FTO: variants seen among roughly 807,000 people sequenced by gnomAD.
The protein encoded by FTO is alpha-ketoglutarate-dependent dioxygenase FTO.
A neutral mutation model predicts 63.9 loss-of-function variants in FTO; 47 were observed. That is an observed-to-expected ratio of 0.74 (90% CI 0.58 to 0.94). FTO has a LOEUF of 0.94. Ranked by LOEUF, FTO falls within the 40% of genes least tolerant of loss-of-function variation. The probability of loss-of-function intolerance (pLI) is 0.00; values close to 1 mark genes in which losing one functional copy is unlikely to be tolerated. For missense variants in FTO, 562 were observed against 618.1 expected (o/e 0.91, Z 0.96); for synonymous variants, 207 against 224.4 (o/e 0.92, Z 0.69).
At chr16:53,726,343 A>G (rs1362928042) in intron 1 of FTO, among the ~76,000 whole-genome samples, 1 of 152,180 alleles carries the variant, frequency 6.6e-6, no homozygotes, top group African/African-American at 2.4e-5. Context: ...TGTTTTGTAG[A>G]CATGTAGGAA....
intron 4 of FTO, among the ~76,000 whole-genome samples, chr16:53,856,374 G>A (rs2079995672): frequency 1.3e-5 from 1 of 75,636 alleles, no homozygotes; most frequent in South Asian, 3.5e-4. Context: ...TTTTTGGGGG[G>A]GGATATTTAT....
chr16:53,982,479 TG>T (rs1200724020), intron 8 of FTO, among the ~76,000 whole-genome samples: 1 of 152,220 alleles, frequency 6.6e-6, no homozygotes, highest in Non-Finnish European at 1.5e-5. Context: ...GGGGTTTCAG[TG>T]AAACAGCTTA....
At chr16:53,767,691 T>C (rs1447334613) in intron 1 of FTO, among the ~76,000 whole-genome samples, 1 of 152,156 alleles carries the variant, frequency 6.6e-6, no homozygotes, top group Non-Finnish European at 1.5e-5. Context: ...TTCTTGTGAT[T>C]ATTGTGATAT....
chr16:54,004,591 A>G (rs554121586), intron 8 of FTO, among the ~76,000 whole-genome samples: 2 of 152,322 alleles, frequency 1.3e-5, no homozygotes, highest in East Asian at 1.9e-4. Flanking sequence ...TGAAGCGCCC[A>G]TGCTAGGGAC....
intron 8 of FTO, chr16:54,054,729 AG>A (rs2085390569): frequency 6.6e-6 from 1 of 152,206 alleles, no homozygotes; most frequent in African/African-American, 2.4e-5. Context: ...AGTGGCATAC[AG>A]GAAGAGACAA....
chr16:53,826,802 A>G (rs1217262184), intron 3 of FTO, among the ~76,000 whole-genome samples: 1 of 152,176 alleles, frequency 6.6e-6, no homozygotes, highest in Non-Finnish European at 1.5e-5. Context: ...TTGGTTTCAT[A>G]CAGCCGACTG....
At chr16:53,742,554 A>G (rs989234107) in intron 1 of FTO, among the ~76,000 whole-genome samples, 1 of 152,192 alleles carries the variant, frequency 6.6e-6, no homozygotes, top group Non-Finnish European at 1.5e-5. Flanking sequence ...GTTAAACAGG[A>G]GCTATGATTA....
chr16:53,903,673 A>G (rs2081461651), intron 7 of FTO, among the ~76,000 whole-genome samples: 1 of 152,188 alleles, frequency 6.6e-6, no homozygotes, highest in Non-Finnish European at 1.5e-5. Flanking sequence ...GTAGCTTTTT[A>G]TTGTATGGTT....
chr16:53,711,301 C>T, intron 1 of FTO: 1 of 396,076 alleles, frequency 2.5e-6, no homozygotes, highest in Non-Finnish European at 4.4e-6. Flanking sequence ...AGTTTTGTAC[C>T]ACCTTTCAGA....
At chr16:53,866,475 G>A (rs144677207) in intron 4 of FTO, among the ~76,000 whole-genome samples, 8 of 152,188 alleles carry the variant, frequency 5.3e-5, no homozygotes, top group African/African-American at 1.2e-4. Context: ...TAAATGTTTG[G>A]TAGAACTCAA....
chr16:53,997,586 T>TG lies in FTO; in HGVS notation c.1364+63484dup, dbSNP rs369710692. On this transcript the variant is annotated intron_variant, in intron 8 of 8. Coordinates refer to ENST00000471389, the MANE Select transcript of FTO (RefSeq NM_001080432.3). ...AAGAAGGGGCGGGGCGGGGTGGGAG[T>TG]GGGGGGGTGGTGCAGTATACAAAAC... is the stretch of plus-strand genomic sequence containing the variant. Among the ~76,000 whole-genome samples, 28 of 66,256 alleles carry TG rather than the reference T, an allele frequency of 4.2e-4. No individual in the cohort carries two copies. In the East Asian group the frequency reaches 5.1e-3, roughly 12 times the overall value. 43.5% of individuals were successfully genotyped at this position (66,256 alleles called of 152,430 possible).
chr16:53,761,003 C>A (rs1414168200), intron 1 of FTO, among the ~76,000 whole-genome samples: 1 of 151,316 alleles, frequency 6.6e-6, no homozygotes, highest in East Asian at 1.9e-4. Flanking sequence ...TTTTTCTTTT[C>A]TTTTCTTTCC....
rs141029371 is a variant in FTO at position 53,728,485 on chromosome 16, G to A, written c.45+24256G>A. On this transcript the variant is annotated intron_variant, in intron 1 of 8. Coordinates refer to ENST00000471389, the MANE Select transcript of FTO (RefSeq NM_001080432.3). ...TTATAGAGCTCCTACTATGTGCCAG[G>A]CCCTGGTCTAAGTTCTAGGATACAG... Among the ~76,000 whole-genome samples the A allele has an allele frequency of 4.0e-3, 603 of 152,038 alleles. 4 individuals carry two copies. Among genetic ancestry groups the A allele is most frequent in the Non-Finnish European group, 5.1e-3 (345 of 68,014 alleles).
intron 5 of FTO, among the ~76,000 whole-genome samples, chr16:53,879,185 G>T (rs992297608): frequency 3.3e-5 from 5 of 152,052 alleles, no homozygotes; most frequent in African/African-American, 1.2e-4. Flanking sequence ...CCAGTTTTCA[G>T]ACTCAGTTCT....
intron 8 of FTO, among the ~76,000 whole-genome samples, chr16:54,067,019 C>T (rs13338113): frequency 0.061 from 9,274 of 152,228 alleles, 380 homozygotes; most frequent in East Asian, 0.14. Flanking sequence ...TGTCACTTTC[C>T]CTCTCCTTAG....
rs2086983207 is a variant in FTO, at chr16:54,117,814, T to C, written c.*5899T>C. On this transcript the variant is annotated 3_prime_UTR_variant, in exon 9 of 9. Coordinates refer to ENST00000471389, the MANE Select transcript of FTO (RefSeq NM_001080432.3). The stretch of plus-strand genomic sequence containing the variant: ...CTAATGGATGATCTGTGTACAACAA[T>C]TGTTTATTGACTCTGAATGTCTAAG... 6.6e-6 allele frequency: 1 copy of C among 152,210 alleles called. No individual in the cohort carries two copies. The highest frequency in any genetic ancestry group is 1.5e-5 in the Non-Finnish European group (1 of 68,020). The allele number at this position is 152,210 out of a possible 1,614,324, so 9.4% of individuals were successfully genotyped here.
At chr16:53,903,290 C>A (rs1453319183) in intron 7 of FTO, among the ~76,000 whole-genome samples, 1 of 148,328 alleles carries the variant, frequency 6.7e-6, no homozygotes, top group East Asian at 2.0e-4. Flanking sequence ...ACGGAGTCTT[C>A]CTCTGTTGCC....
Position 53,826,036 on chromosome 16 carries a change from T to C in FTO, c.296T>C (p.Ile99Thr), listed in dbSNP as rs1342557197. Residue 99 changes from isoleucine to threonine, a missense_variant, in exon 3 of 9, where the codon ATT becomes ACT. Physicochemically the swap from Ile to Thr is moderately conservative, Grantham distance 89 (BLOSUM62 -1). Coordinates refer to ENST00000471389, the MANE Select transcript of FTO (RefSeq NM_001080432.3). ...DLLTPVSRIL[I>T]GNPGCTYKYL... ...CTCACTCCGGTATCTCGCATCCTCA[T>C]TGGTAATCCAGGCTGCACCTACAAG... The C allele has an allele frequency of 4.3e-6, 7 of 1,614,154 alleles. No individual in the cohort carries two copies. Among genetic ancestry groups the C allele is most frequent in the Non-Finnish European group, 5.1e-6 (6 of 1,180,004 alleles).
chr16:53,717,094 T>C (rs1266429794), intron 1 of FTO, among the ~76,000 whole-genome samples: 2 of 152,024 alleles, frequency 1.3e-5, no homozygotes, highest in Non-Finnish European at 1.5e-5. Context: ...GGTTATCCTT[T>C]AGTGAACATT....
Sources: allele counts gnomAD v4.1 joint callset (sites outside exome capture counted in the v4.1 genomes callset), GRCh38; gene constraint gnomAD v4.1.1; transcripts MANE v1.5; gene names NCBI Gene and HGNC (gene_info 2026-07-23, HGNC 2026-07-21).